Variants in SERINC5 observed in about 807,000 individuals in gnomAD.
The protein encoded by SERINC5 is serine incorporator 5.
SERINC5 carries 41 observed loss-of-function variants against 63.1 expected under a neutral mutation model. The observed-to-expected ratio is 0.65, with a 90% CI of 0.51 to 0.84. The LOEUF is 0.84. Ranked by LOEUF, SERINC5 falls within the 40% of genes least tolerant of loss-of-function variation. The pLI is 0.00. For synonymous variants in SERINC5, 222 were observed against 215.2 expected, an observed-to-expected ratio of 1.03 and a Z score of -0.28; for missense variants, 523 against 573.0, an observed-to-expected ratio of 0.91 and a Z score of 0.89.
intron 1 of SERINC5, among the ~76,000 whole-genome samples, chr5:80,251,106 A>G (rs1361555950): frequency 2.0e-5 from 3 of 152,128 alleles, no homozygotes; most frequent in Non-Finnish European, 2.9e-5. Context: ...AGCCAGACCC[A>G]GTCTCTACAA....
chr5:80,213,566 A>G (rs1750531679), intron 1 of SERINC5, among the ~76,000 whole-genome samples: 2 of 152,200 alleles, frequency 1.3e-5, no homozygotes, highest in African/African-American at 4.8e-5. Flanking sequence ...TTCCTACAGG[A>G]GGGAGACAGG....
intron 11 of SERINC5, among the ~76,000 whole-genome samples, chr5:80,130,206 C>G (rs530428967): frequency 6.6e-6 from 1 of 152,018 alleles, no homozygotes; most frequent in African/African-American, 2.4e-5. Context: ...ATGATGAAAC[C>G]CCAACTCTAC....
At chr5:80,159,509 C>T (rs1468157777) in intron 7 of SERINC5, among the ~76,000 whole-genome samples, 1 of 152,046 alleles carries the variant, frequency 6.6e-6, no homozygotes. Flanking sequence ...CATTTACTTG[C>T]ATGCAACTCC....
At chr5:80,200,819 C>T (rs1272345810) in intron 2 of SERINC5, among the ~76,000 whole-genome samples, 1 of 137,006 alleles carries the variant, frequency 7.3e-6, no homozygotes, top group East Asian at 2.0e-4. Flanking sequence ...TCAGGCCAGG[C>T]ATGGTGGCTC....
intron 12 of SERINC5, chr5:80,111,727 T>C (rs1744117326): frequency 6.6e-6 from 1 of 152,118 alleles, no homozygotes; most frequent in South Asian, 2.1e-4. Context: ...ATCAGGTTAA[T>C]ACAAGTTAGG....
chr5:80,230,924 C>T (rs551860585), intron 1 of SERINC5, among the ~76,000 whole-genome samples: 1 of 152,090 alleles, frequency 6.6e-6, no homozygotes, highest in Non-Finnish European at 1.5e-5. Flanking sequence ...GCAATCCTTC[C>T]TCCTCAGCCT....
intron 2 of SERINC5, 25 bp from the exon 3 acceptor site, chr5:80,178,089 A>T: frequency 6.5e-7 from 1 of 1,538,116 alleles, no homozygotes; most frequent in Non-Finnish European, 8.8e-7. Context: ...TAGAAAAGTC[A>T]TCTGTTACAA....
chr5:80,174,530 G>C lies in SERINC5; in HGVS notation c.551+424C>G, dbSNP rs1486191888. ...TATTTACAAAGAGATAAATGAAAAA[G>C]GGAAGAAAAGGTACTTTAGTTGTTC... On this transcript the variant is annotated intron_variant, in intron 5 of 11. Coordinates refer to ENST00000507668, the MANE Select transcript of SERINC5 (RefSeq NM_001174072.3). Among the ~76,000 whole-genome samples the C allele has an allele frequency of 2.0e-5, 3 of 151,928 alleles. No individual in the cohort carries two copies. The East Asian group carries it at 5.8e-4, about 29-fold the overall frequency.
chr5:80,248,790 A>G (rs1415908331), intron 1 of SERINC5, among the ~76,000 whole-genome samples: 2 of 152,248 alleles, frequency 1.3e-5, no homozygotes, highest in Admixed American at 1.3e-4. Flanking sequence ...CAGTGACTCA[A>G]CCACCATTTG....
chr5:80,198,990 C>T (rs1749669266), intron 2 of SERINC5, among the ~76,000 whole-genome samples: 1 of 152,208 alleles, frequency 6.6e-6, no homozygotes, highest in Non-Finnish European at 1.5e-5. Context: ...GTGCCCACTG[C>T]CACCACTACC....
intron 1 of SERINC5, among the ~76,000 whole-genome samples, chr5:80,243,196 A>G (rs541882548): frequency 1.3e-3 from 200 of 152,182 alleles, no homozygotes; most frequent in African/African-American, 4.5e-3. Context: ...TTCTACAATT[A>G]TTTTTTAAAC....
chr5:80,217,107 T>C (rs1750701348), intron 1 of SERINC5, among the ~76,000 whole-genome samples: 1 of 116,972 alleles, frequency 8.5e-6, no homozygotes, highest in Non-Finnish European at 1.9e-5. Context: ...AATTTTAATT[T>C]TTTTATTTTG....
At chr5:80,161,036 G>GTATA (rs538888494) in intron 7 of SERINC5, among the ~76,000 whole-genome samples, 4 of 124,834 alleles carry the variant, frequency 3.2e-5, no homozygotes, top group Non-Finnish European at 6.4e-5. Context: ...ATACACACGT[G>GTATA]TATATATATA....
At chr5:80,233,863 G>A (rs973513616) in intron 1 of SERINC5, among the ~76,000 whole-genome samples, 9 of 129,870 alleles carry the variant, frequency 6.9e-5, no homozygotes, top group Admixed American at 4.7e-4. Flanking sequence ...CCAGGCTGGT[G>A]TGCAGCGGCA....
chr5:80,203,916 G>C (rs1423926212), intron 1 of SERINC5, among the ~76,000 whole-genome samples: 1 of 152,156 alleles, frequency 6.6e-6, no homozygotes, highest in Non-Finnish European at 1.5e-5. Context: ...AGGGACTGAA[G>C]ACTGAGCTAA....
At chr5:80,239,638 C>T (rs1374353450) in intron 1 of SERINC5, among the ~76,000 whole-genome samples, 2 of 152,070 alleles carry the variant, frequency 1.3e-5, no homozygotes, top group East Asian at 3.9e-4. Flanking sequence ...ATTGTGGTAC[C>T]CTATGAGCCA....
At chr5:80,111,963 ATCGCCAT>A (rs1307947049) in intron 12 of SERINC5, among the ~76,000 whole-genome samples, 1 of 152,218 alleles carries the variant, frequency 6.6e-6, no homozygotes, top group African/African-American at 2.4e-5. Context: ...GGTAAAAGTC[ATCGCCAT>A]TCTCCATTCT....
intron 11 of SERINC5, among the ~76,000 whole-genome samples, chr5:80,145,560 T>C (rs1480656470): frequency 6.6e-6 from 1 of 151,718 alleles, no homozygotes; most frequent in East Asian, 1.9e-4. Context: ...AAATTTGAAG[T>C]AGAAAAAAAA....
At chr5:80,228,068 GAAA>G (rs535973486) in intron 1 of SERINC5, among the ~76,000 whole-genome samples, 2 of 131,526 alleles carry the variant, frequency 1.5e-5, no homozygotes, top group Non-Finnish European at 3.3e-5. Flanking sequence ...CAAATAATAT[GAAA>G]AAAAAAAAAA....
Sources: allele counts gnomAD v4.1 joint callset (sites outside exome capture counted in the v4.1 genomes callset), GRCh38; gene constraint gnomAD v4.1.1; transcripts MANE v1.5; gene names NCBI Gene and HGNC (gene_info 2026-07-23, HGNC 2026-07-21).